MSRA: variants seen among roughly 807,000 people sequenced by gnomAD.
MSRA encodes the protein methionine sulfoxide reductase A, also known as mitochondrial peptide methionine sulfoxide reductase.
MSRA carries 54 observed loss-of-function variants against 31.3 expected under a neutral mutation model. That is an observed-to-expected ratio of 1.73 (90% CI 1.39 to 2.17). MSRA has a LOEUF of 2.17. MSRA is among the 30% of genes most tolerant of loss of function. The probability of loss-of-function intolerance (pLI) is 0.00; values close to 1 mark genes in which losing one functional copy is unlikely to be tolerated. For synonymous variants in MSRA, 169 were observed against 116.5 expected, an observed-to-expected ratio of 1.45 and a Z score of -2.90; for missense variants, 507 against 300.9, an observed-to-expected ratio of 1.69 and a Z score of -5.07.
At chr8:10,151,848 A>G (rs937740126) in intron 1 of MSRA, among the ~76,000 whole-genome samples, 1 of 152,178 alleles carries the variant, frequency 6.6e-6, no homozygotes, top group Non-Finnish European at 1.5e-5. Context: ...CCATGTCTCC[A>G]CCCTTTAGTA....
At chr8:10,283,762 C>T (rs1246107961) in intron 3 of MSRA, among the ~76,000 whole-genome samples, 1 of 137,816 alleles carries the variant, frequency 7.3e-6, no homozygotes, top group Non-Finnish European at 1.5e-5. Flanking sequence ...CTGTGAATGC[C>T]ATTAATTGAT....
chr8:10,327,228 A>G (rs563625638), intron 5 of MSRA, among the ~76,000 whole-genome samples: 5 of 152,220 alleles, frequency 3.3e-5, no homozygotes, highest in African/African-American at 7.2e-5. Flanking sequence ...GGCTGTATCT[A>G]TCCGTCTCTC....
intron 1 of MSRA, among the ~76,000 whole-genome samples, chr8:10,183,876 G>T (rs112078536): frequency 6.9e-6 from 1 of 144,378 alleles, no homozygotes; most frequent in African/African-American, 2.6e-5. Flanking sequence ...TGTTGGTTTT[G>T]TTGGTATAGG....
intron 1 of MSRA, among the ~76,000 whole-genome samples, chr8:10,057,634 G>A (rs1181553230): frequency 1.3e-5 from 2 of 152,096 alleles, no homozygotes; most frequent in African/African-American, 2.4e-5. Flanking sequence ...ACATGCGGGG[G>A]GTGGACTTTC....
chr8:10,099,712 G>A (rs1358909534), intron 1 of MSRA, among the ~76,000 whole-genome samples: 2 of 152,190 alleles, frequency 1.3e-5, no homozygotes, highest in Non-Finnish European at 2.9e-5. Context: ...GTTTAGAGGG[G>A]TGCAGCAGAG....
At chr8:10,228,254 C>A (rs1468686712) in intron 2 of MSRA, among the ~76,000 whole-genome samples, 1 of 152,182 alleles carries the variant, frequency 6.6e-6, no homozygotes, top group Non-Finnish European at 1.5e-5. Context: ...TTGCCCTGGT[C>A]AGAGGTTTCA....
intron 5 of MSRA, among the ~76,000 whole-genome samples, chr8:10,413,557 C>G (rs1260060937): frequency 6.6e-6 from 1 of 150,398 alleles, no homozygotes; most frequent in African/African-American, 2.5e-5. Context: ...TTTAAATCTG[C>G]TGTTATAAAG....
At chr8:10,178,318 G>T (rs1252039352) in intron 1 of MSRA, among the ~76,000 whole-genome samples, 1 of 152,036 alleles carries the variant, frequency 6.6e-6, no homozygotes, top group Non-Finnish European at 1.5e-5. Flanking sequence ...GGCCGGACAC[G>T]GTGGCTCATG....
intron 1 of MSRA, among the ~76,000 whole-genome samples, chr8:10,164,830 C>G (rs537091331): frequency 6.6e-6 from 1 of 152,246 alleles, no homozygotes; most frequent in South Asian, 2.1e-4. Flanking sequence ...GAGTTCGAGA[C>G]CAGCCTGACC....
chr8:10,357,709 G>T (rs956292268), intron 5 of MSRA, among the ~76,000 whole-genome samples: 1 of 152,162 alleles, frequency 6.6e-6, no homozygotes, highest in South Asian at 2.1e-4. Flanking sequence ...ACCAGCTGGG[G>T]CAGCATGGAT....
intron 2 of MSRA, among the ~76,000 whole-genome samples, chr8:10,233,710 C>G (rs764479902): frequency 1.3e-5 from 2 of 152,082 alleles, no homozygotes; most frequent in Non-Finnish European, 2.9e-5. Context: ...GATGTGTCAA[C>G]TGACATGTAA....
At chr8:10,210,503 T>G (rs963722270) in intron 2 of MSRA, among the ~76,000 whole-genome samples, 7 of 152,196 alleles carry the variant, frequency 4.6e-5, no homozygotes, top group Non-Finnish European at 1.0e-4. Context: ...TGAAGGAGTC[T>G]TGAGAAGTAG....
intron 1 of MSRA, chr8:10,095,696 GT>G: frequency 1.9e-6 from 2 of 1,035,024 alleles, no homozygotes; most frequent in South Asian, 4.6e-5. Flanking sequence ...CCGTCCTGGG[GT>G]ACAGAAAAAC....
Position 10,054,443 on chromosome 8 carries a change from C to T in MSRA, c.-74C>T, listed in dbSNP as rs1235162492. The T allele has an allele frequency of 7.0e-7, 1 of 1,423,716 alleles. No homozygotes were observed. The highest frequency in any genetic ancestry group is 9.3e-7 in the Non-Finnish European group (1 of 1,072,278). The allele number at this position is 1,423,716 out of a possible 1,614,324, so 88.2% of individuals were successfully genotyped here. A position where few individuals can be genotyped will look rare whatever the true frequency, so the allele number is the denominator to read the frequency against. ...CCCGGTTCCGGCCGCGGACCCCACT[C>T]TCTGCCGTTCCGGCTGCGGCTCCGC... On this transcript the variant is annotated 5_prime_UTR_variant, in exon 1 of 6. Transcript: ENST00000317173.
chr8:10,395,245 G>C (rs1035818055), intron 5 of MSRA, among the ~76,000 whole-genome samples: 2 of 152,122 alleles, frequency 1.3e-5, no homozygotes, highest in African/African-American at 4.8e-5. Flanking sequence ...GTGGAAGCAT[G>C]TGTGTGTGCA....
intron 5 of MSRA, among the ~76,000 whole-genome samples, chr8:10,349,361 G>GT (rs1274308789): frequency 6.6e-6 from 1 of 152,150 alleles, no homozygotes; most frequent in South Asian, 2.1e-4. Context: ...ATTCTCTGTG[G>GT]TTTTATCATC....
chr8:10,115,683 G>C (rs1487766640), intron 1 of MSRA, among the ~76,000 whole-genome samples: 6 of 152,112 alleles, frequency 3.9e-5, no homozygotes, highest in African/African-American at 1.4e-4. Flanking sequence ...GCAGACAAGA[G>C]ATTTCCATTC....
chr8:10,072,046 G>A (rs950597439), intron 1 of MSRA, among the ~76,000 whole-genome samples: 1 of 144,930 alleles, frequency 6.9e-6, no homozygotes, highest in African/African-American at 2.6e-5. Flanking sequence ...AAGGGACCCT[G>A]TTTCCTGGGT....
At chr8:10,317,086 C>G (rs957363620) in intron 4 of MSRA, among the ~76,000 whole-genome samples, 6 of 152,176 alleles carry the variant, frequency 3.9e-5, no homozygotes, top group African/African-American at 1.4e-4. Flanking sequence ...TAGTAGGAGT[C>G]ACTCTGTTTT....
Sources: allele counts gnomAD v4.1 joint callset (sites outside exome capture counted in the v4.1 genomes callset), GRCh38; gene constraint gnomAD v4.1.1; transcripts MANE v1.5; gene names NCBI Gene and HGNC (gene_info 2026-07-23, HGNC 2026-07-21).